Variants in SOX6 observed in about 807,000 individuals in gnomAD.
SOX6 encodes the protein SRY-box transcription factor 6, also known as transcription factor SOX-6.
Under a neutral mutation model 97.8 loss-of-function variants are expected in SOX6, and 11 were observed. The observed-to-expected ratio is 0.11, with a 90% CI of 0.07 to 0.19. SOX6 has a LOEUF of 0.19. Ranked by LOEUF, SOX6 falls within the 10% of genes least tolerant of loss-of-function variation. The probability of loss-of-function intolerance (pLI) is 1.00; values close to 1 mark genes in which losing one functional copy is unlikely to be tolerated. For missense variants in SOX6, 810 were observed against 1,039.5 expected, an observed-to-expected ratio of 0.78 and a Z score of 3.04; for synonymous variants, 360 against 371.4, an observed-to-expected ratio of 0.97 and a Z score of 0.35.
At chr11:16,643,883 T>G (rs1286990931) in intron 3 of SOX6, among the ~76,000 whole-genome samples, 1 of 152,232 alleles carries the variant, frequency 6.6e-6, no homozygotes, top group Non-Finnish European at 1.5e-5. Flanking sequence ...CTTGCCCTGC[T>G]TCAGCTCACA....
chr11:16,301,211 A>T (rs1416897324), intron 3 of SOX6, among the ~76,000 whole-genome samples: 1 of 152,232 alleles, frequency 6.6e-6, no homozygotes, highest in Non-Finnish European at 1.5e-5. Context: ...ACTCCTTGAC[A>T]TATACAGCCT....
At chr11:16,693,425 T>C (rs896923059) in intron 3 of SOX6, among the ~76,000 whole-genome samples, 37 of 152,148 alleles carry the variant, frequency 2.4e-4, no homozygotes, top group Non-Finnish European at 1.6e-4. Flanking sequence ...CTTCTAGTGA[T>C]GTTTTCTATC....
At chr11:16,144,519 T>TA (rs1295594821) in intron 6 of SOX6, among the ~76,000 whole-genome samples, 1 of 151,960 alleles carries the variant, frequency 6.6e-6, no homozygotes, top group Non-Finnish European at 1.5e-5. Flanking sequence ...CTGAAAGAGA[T>TA]AGAGACACAA....
At chr11:16,653,169 G>T (rs1371233249) in intron 3 of SOX6, among the ~76,000 whole-genome samples, 1 of 152,194 alleles carries the variant, frequency 6.6e-6, no homozygotes, top group East Asian at 1.9e-4. Flanking sequence ...ACTGCTGGTG[G>T]GAATGTAAAC....
rs530369519 is a variant in SOX6, at chr11:16,099,884, T to C, written c.899-2196A>G. On this transcript the variant is annotated intron_variant, in intron 7 of 15. Transcript: ENST00000683767. The stretch of plus-strand genomic sequence containing the variant: ...CCTTCTTTGAATCTGTATACCTGAA[T>C]ATAATCTTTAGAAAGCTATTTCTCC... Among the ~76,000 whole-genome samples, 10 of 151,912 alleles carry C rather than the reference T, an allele frequency of 6.6e-5. No homozygotes were observed. In the South Asian group the frequency reaches 2.1e-3, roughly 31 times the overall value.
intron 4 of SOX6, among the ~76,000 whole-genome samples, chr11:16,575,500 T>C (rs1423342009): frequency 6.6e-6 from 1 of 152,040 alleles, no homozygotes; most frequent in Non-Finnish European, 1.5e-5. Flanking sequence ...ATAGTCCAAA[T>C]GCCCAGTAAA....
intron 1 of SOX6, among the ~76,000 whole-genome samples, chr11:16,352,281 TGGATGGATGGATGGATGGAA>T (rs1381469262): frequency 6.6e-6 from 1 of 151,490 alleles, no homozygotes; most frequent in African/African-American, 2.4e-5. Flanking sequence ...GATGGATGGA[TGGATGGATGGATGGATGGAA>T]GGATGGATGG....
chr11:16,421,160 G>T (rs1859014800), intron 1 of SOX6, among the ~76,000 whole-genome samples: 1 of 152,072 alleles, frequency 6.6e-6, no homozygotes. Context: ...GAAGACAATT[G>T]TACATATTTA....
chr11:15,966,658 A>T lies in SOX6; in HGVS notation c.*6151T>A, dbSNP rs913833536. 5 of 152,046 alleles carry T rather than the reference A, an allele frequency of 3.3e-5. No homozygotes were observed. The highest frequency in any genetic ancestry group is 2.6e-4 in the Admixed American group (4 of 15,266). 9.4% of individuals were successfully genotyped at this position (152,046 alleles called of 1,614,324 possible). Reference sequence around the variant, plus strand: ...GGCATGTTGAACATATCAGGAAAGCACCTTGTGCAAAAAGGAAAAAAAAAA... The same window carrying T: ...GGCATGTTGAACATATCAGGAAAGCTCCTTGTGCAAAAAGGAAAAAAAAAA... On this transcript the variant is annotated 3_prime_UTR_variant, in exon 16 of 16. Coordinates refer to ENST00000683767, the MANE Select transcript of SOX6 (RefSeq NM_001367873.1).
chr11:16,023,298 A>G (rs1855121789), intron 12 of SOX6: 1 of 152,134 alleles, frequency 6.6e-6, no homozygotes, highest in Non-Finnish European at 1.5e-5. Flanking sequence ...CTCAAGGTAC[A>G]GTATCCATGT....
intron 7 of SOX6, among the ~76,000 whole-genome samples, chr11:16,109,239 T>C (rs961454137): frequency 1.3e-5 from 2 of 152,142 alleles, no homozygotes; most frequent in African/African-American, 4.8e-5. Context: ...CTCACTCTGC[T>C]GCTAAGACTG....
intron 3 of SOX6, among the ~76,000 whole-genome samples, chr11:16,275,937 A>G (rs978737082): frequency 2.0e-5 from 3 of 152,192 alleles, no homozygotes; most frequent in Non-Finnish European, 4.4e-5. Context: ...TTTTACCTAT[A>G]GTGGAATAAA....
Position 16,571,641 on chromosome 11 carries a change from G to T in SOX6, n.609+40440C>A, listed in dbSNP as rs540941400. Among the ~76,000 whole-genome samples the T allele has an allele frequency of 2.4e-4, 36 of 151,994 alleles. No homozygotes were observed. In the South Asian group the frequency reaches 7.5e-3, roughly 32 times the overall value. Reference sequence around the variant, plus strand: ...GTTTGTTTGTTTGTTTGTTTGGGGGGTTTTGTTATTGTGGTTGTTTGTTTT... The same window carrying T: ...GTTTGTTTGTTTGTTTGTTTGGGGGTTTTTGTTATTGTGGTTGTTTGTTTT... On this transcript the variant is annotated intron_variant and non_coding_transcript_variant, in intron 4 of 5. Coordinates refer to the SOX6 transcript ENST00000524520.
intron 3 of SOX6, among the ~76,000 whole-genome samples, chr11:16,683,796 G>A (rs1188916757): frequency 6.6e-6 from 1 of 152,192 alleles, no homozygotes; most frequent in Non-Finnish European, 1.5e-5. Context: ...GAGTGAGCAG[G>A]CAACCTACAG....
rs1159513238 is a variant in SOX6 at position 16,522,204 on chromosome 11, G to A, written n.610-45816C>T. 2.0e-5 allele frequency among the ~76,000 whole-genome samples: 3 copies of A among 152,066 alleles called. 1 individual carries two copies. The highest frequency in any genetic ancestry group is 4.4e-5 in the Non-Finnish European group (3 of 68,024). Reference sequence around the variant, plus strand: ...CAGATTCACCAAAGTTGAAATGAAGGAAAAAATGTTAAGGGCAGCCACAGA... The same window carrying A: ...CAGATTCACCAAAGTTGAAATGAAGAAAAAAATGTTAAGGGCAGCCACAGA... On this transcript the variant is annotated intron_variant and non_coding_transcript_variant, in intron 4 of 5. Coordinates refer to the SOX6 transcript ENST00000524520.
chr11:16,426,469 A>G (rs961399344), intron 1 of SOX6, among the ~76,000 whole-genome samples: 41 of 152,042 alleles, frequency 2.7e-4, no homozygotes, highest in African/African-American at 9.7e-4. Flanking sequence ...ACATAGACCA[A>G]TGGAACAAAA....
chr11:16,640,164 T>C (rs914124249), intron 3 of SOX6, among the ~76,000 whole-genome samples: 1 of 152,208 alleles, frequency 6.6e-6, no homozygotes, highest in East Asian at 1.9e-4. Flanking sequence ...TCTATAGAGA[T>C]TATCATGTGG....
intron 4 of SOX6, among the ~76,000 whole-genome samples, chr11:16,524,287 A>C (rs1015574138): frequency 2.0e-5 from 3 of 151,600 alleles, no homozygotes; most frequent in African/African-American, 7.3e-5. Context: ...ACCATGATCA[A>C]GTGGGCTTCA....
At position 16,610,787 on chromosome 11, in the gene SOX6, G is replaced by C. The variant is rs1484036102; in HGVS notation, n.609+1294C>G. Among the ~76,000 whole-genome samples, 1 of 152,184 alleles carries C rather than the reference G, an allele frequency of 6.6e-6. No individual in the cohort carries two copies. Among genetic ancestry groups the C allele is most frequent in the Non-Finnish European group, 1.5e-5 (1 of 68,036 alleles). On this transcript the variant is annotated intron_variant and non_coding_transcript_variant, in intron 4 of 5. Coordinates refer to the SOX6 transcript ENST00000524520. This position sits in a 1 kb window ranked among gnomAD's most constrained non-coding sequence, Gnocchi z 4.4. ...CTCGGGCGCTGGCTATACCAATGAA[G>C]AGGGAGAGGCGGAGAGCGCAGCAGC...
Sources: gnomAD v4.1 joint callset for allele counts (sites outside exome capture counted in the v4.1 genomes callset) on GRCh38, gnomAD v4.1.1 for gene constraint, Gnocchi (gnomAD v3.1) non-coding constraint, MANE v1.5 for transcripts, NCBI Gene and HGNC (gene_info 2026-07-23, HGNC 2026-07-21) for gene names.